The following TCF12 variants were observed in gnomAD, a reference collection of about 807,000 sequenced individuals.
TCF12 encodes the protein transcription factor 12, also known as DNA-binding protein HTF4.
TCF12 carries 45 observed loss-of-function variants against 86.0 expected under a neutral mutation model. The ratio of observed to expected loss-of-function variants is 0.52; its 90% CI spans 0.41 to 0.67. TCF12 has a LOEUF of 0.67. TCF12 is among the 30% of genes least tolerant of loss of function. TCF12 has a pLI of 0.00. For synonymous variants in TCF12, 330 were observed against 299.6 expected (o/e 1.10, Z -1.05); for missense variants, 881 against 859.9 (o/e 1.02, Z -0.31).
chr15:56,974,358 A>G (rs1347175250), intron 3 of TCF12, among the ~76,000 whole-genome samples: 5 of 152,106 alleles, frequency 3.3e-5, no homozygotes, highest in Admixed American at 1.3e-4. Context: ...GGATAAAGTA[A>G]TTGTGGTAAA....
At chr15:57,031,081 T>G (rs1430823) in intron 3 of TCF12, among the ~76,000 whole-genome samples, 58,744 of 152,130 alleles carry the variant, frequency 0.39, 14,118 homozygotes, top group Non-Finnish European at 0.53. Context: ...GTCTTCTAAA[T>G]TAAGAATAAT....
At chr15:57,189,701 A>G (rs761458423) in intron 6 of TCF12, among the ~76,000 whole-genome samples, 7 of 152,340 alleles carry the variant, frequency 4.6e-5, no homozygotes, top group Non-Finnish European at 1.0e-4. Flanking sequence ...TTAAACATAG[A>G]ATTACACATA....
chr15:57,143,158 C>T (rs202244222), intron 5 of TCF12, among the ~76,000 whole-genome samples: 2 of 125,304 alleles, frequency 1.6e-5, no homozygotes, highest in Admixed American at 1.8e-4. Context: ...TGCCCCCCCC[C>T]ACCAAAAAAA....
In TCF12 at chr15:57,075,381, ATGT is replaced by A. The variant is rs2069796867; in HGVS notation, c.222+11560_222+11562del. Among the ~76,000 whole-genome samples the A allele has an allele frequency of 2.0e-5, 3 of 152,232 alleles. No homozygotes were observed. The South Asian group carries it at 6.2e-4, about 32-fold the overall frequency. On this transcript the variant is annotated intron_variant, in intron 4 of 20. Transcript: ENST00000333725. ...ACATCTTTATGTTGTTAACATGGAA[ATGT>A]TTTTTTTCCCAGCTCCTTTCATTCA...
chr15:57,003,292 G>A (rs1265177043), intron 3 of TCF12, among the ~76,000 whole-genome samples: 5 of 152,170 alleles, frequency 3.3e-5, no homozygotes, highest in Non-Finnish European at 4.4e-5. Flanking sequence ...GTACCTGTGA[G>A]CATCTGGTCA....
intron 8 of TCF12, among the ~76,000 whole-genome samples, chr15:57,201,955 GA>G (rs1357928579): frequency 2.0e-5 from 3 of 151,884 alleles, no homozygotes; most frequent in Non-Finnish European, 4.4e-5. Context: ...TTTGTCGGGG[GA>G]AAAAAAGGAA....
intron 5 of TCF12, among the ~76,000 whole-genome samples, chr15:57,140,606 A>C (rs2052891525): frequency 1.3e-5 from 2 of 152,350 alleles, no homozygotes; most frequent in South Asian, 4.1e-4. Flanking sequence ...GCTGATTACA[A>C]AGTGCCGTGT....
intron 3 of TCF12, among the ~76,000 whole-genome samples, chr15:56,954,283 G>A (rs2061407612): frequency 6.6e-6 from 1 of 152,064 alleles, no homozygotes; most frequent in Admixed American, 6.6e-5. Flanking sequence ...ACAAGGATCT[G>A]ATCTTTGACA....
chr15:57,252,927 CTTTT>C lies in TCF12; in HGVS notation c.1261-317_1261-314del, dbSNP rs57946842. Among the ~76,000 whole-genome samples the C allele has an allele frequency of 3.1e-3, 275 of 89,756 alleles. 4 individuals carry two copies. Among genetic ancestry groups the C allele is most frequent in the African/African-American group, 3.5e-3 (90 of 25,826 alleles). 58.9% of individuals were successfully genotyped at this position (89,756 alleles called of 152,430 possible). ...GATCAGTATTAAAGTATAGGTTGTA[CTTTT>C]TTTTTTTTTTTTTTTTTGGCAGCTC... is the stretch of plus-strand genomic sequence containing the variant. On this transcript the variant is annotated intron_variant, in intron 15 of 20. Transcript: ENST00000333725.
chr15:57,276,990 G>A (rs2061428909), intron 19 of TCF12, among the ~76,000 whole-genome samples: 1 of 151,760 alleles, frequency 6.6e-6, no homozygotes, highest in Non-Finnish European at 1.5e-5. Context: ...ATTTTTAGTA[G>A]AGACAGAGTT....
intron 3 of TCF12, among the ~76,000 whole-genome samples, chr15:57,037,042 A>G (rs1365274403): frequency 6.6e-6 from 1 of 152,216 alleles, no homozygotes; most frequent in Non-Finnish European, 1.5e-5. Flanking sequence ...CTGGACAAGC[A>G]GGTAAGTGAT....
At chr15:56,950,750 T>A (rs868363493) in intron 3 of TCF12, among the ~76,000 whole-genome samples, 1 of 118,048 alleles carries the variant, frequency 8.5e-6, no homozygotes, top group Non-Finnish European at 1.8e-5. Flanking sequence ...ACCATGTTTT[T>A]TTTTTTTTTT....
chr15:57,205,532 T>G (rs2057768714), intron 8 of TCF12, among the ~76,000 whole-genome samples: 1 of 152,228 alleles, frequency 6.6e-6, no homozygotes, highest in Non-Finnish European at 1.5e-5. Flanking sequence ...TTCGGGCTGT[T>G]AGATGAGGTA....
intron 3 of TCF12, among the ~76,000 whole-genome samples, chr15:56,925,432 A>G (rs547963695): frequency 6.6e-6 from 1 of 152,316 alleles, no homozygotes; most frequent in Admixed American, 6.5e-5. Context: ...CCTTTGCTAT[A>G]TCTTTGAGTT....
intron 13 of TCF12, chr15:57,246,847 T>C: frequency 2.8e-6 from 1 of 358,660 alleles, no homozygotes; most frequent in Non-Finnish European, 5.4e-6. Context: ...TGTGGCAGAT[T>C]TTTACAGTTC....
At chr15:57,241,353 A>T (rs1427824593) in intron 12 of TCF12, among the ~76,000 whole-genome samples, 1 of 151,978 alleles carries the variant, frequency 6.6e-6, no homozygotes, top group East Asian at 1.9e-4. Context: ...CGGCCTCCCA[A>T]AGTGCTGGGA....
chr15:57,091,816 G>A lies in TCF12; in HGVS notation c.250G>A (p.Asp84Asn), dbSNP rs1187934419. 2 of 1,613,726 alleles carry A rather than the reference G, an allele frequency of 1.2e-6. No individual in the cohort carries two copies. Among genetic ancestry groups the A allele is most frequent in the Admixed American group, 1.7e-5 (1 of 59,988 alleles). The stretch of plus-strand genomic sequence containing the variant: ...TTTTACAGACAGCCCTCATTACAGT[G>A]ATCACTTGAATGACAGTCGATTAGG... Reference protein sequence around the residue: ...RGFTDSPHYSDHLNDSRLGAH... With the variant: ...RGFTDSPHYSNHLNDSRLGAH... The change falls in exon 5 of 21, where the codon GAT becomes AAT. Residue 84 changes from aspartate to asparagine, a missense_variant. Transcript: ENST00000333725.
intron 13 of TCF12, among the ~76,000 whole-genome samples, chr15:57,248,494 T>C (rs2059963235): frequency 6.6e-6 from 1 of 152,132 alleles, no homozygotes; most frequent in South Asian, 2.1e-4. Context: ...CATTACCTCC[T>C]TCTGGAATAT....
At chr15:57,111,971 A>G (rs540037831) in intron 5 of TCF12, among the ~76,000 whole-genome samples, 4 of 152,322 alleles carry the variant, frequency 2.6e-5, no homozygotes, top group Middle Eastern at 3.4e-3. Flanking sequence ...ACAAGATGCT[A>G]AGCCCCCTCT....
Sources: allele counts gnomAD v4.1 joint callset (sites outside exome capture counted in the v4.1 genomes callset), GRCh38; gene constraint gnomAD v4.1.1; transcripts MANE v1.5; gene names NCBI Gene and HGNC (gene_info 2026-07-23, HGNC 2026-07-21).